SAP130: variants seen among roughly 807,000 people sequenced by gnomAD.
SAP130 encodes histone deacetylase complex subunit SAP130.
A neutral mutation model predicts 103.2 loss-of-function variants in SAP130; 16 were observed. The observed-to-expected ratio is 0.16, with a 90% CI of 0.10 to 0.24. The LOEUF is 0.24. SAP130 is among the 10% of genes least tolerant of loss of function. SAP130 has a pLI of 1.00. For missense variants in SAP130, 990 were observed against 1,359.7 expected, an observed-to-expected ratio of 0.73 and a Z score of 4.28; for synonymous variants, 477 against 497.0, an observed-to-expected ratio of 0.96 and a Z score of 0.53.
intron 11 of SAP130, among the ~76,000 whole-genome samples, chr2:127,995,208 C>G (rs1683087823): frequency 6.6e-6 from 1 of 152,206 alleles, no homozygotes; most frequent in Admixed American, 6.5e-5. Context: ...CAACCCATAG[C>G]AACAAGCAGG....
At chr2:127,965,719 G>A (rs966537759) in intron 15 of SAP130, among the ~76,000 whole-genome samples, 1 of 151,774 alleles carries the variant, frequency 6.6e-6, no homozygotes, top group Non-Finnish European at 1.5e-5. Flanking sequence ...GAACCAGGGA[G>A]GTGAAGATTA....
intron 15 of SAP130, among the ~76,000 whole-genome samples, chr2:127,973,496 C>T (rs904335234): frequency 3.3e-5 from 5 of 152,188 alleles, no homozygotes; most frequent in South Asian, 2.1e-4. Flanking sequence ...TCCCAAAGTC[C>T]GAGGGAGTGC....
intron 7 of SAP130, among the ~76,000 whole-genome samples, chr2:128,008,246 G>C (rs907673429): frequency 1.3e-5 from 2 of 152,126 alleles, no homozygotes; most frequent in Non-Finnish European, 2.9e-5. Flanking sequence ...CCTGTAATGT[G>C]ACTTGGAGAT....
intron 2 of SAP130, among the ~76,000 whole-genome samples, chr2:128,019,148 G>A (rs1246330586): frequency 1.3e-5 from 2 of 151,902 alleles, no homozygotes; most frequent in Non-Finnish European, 2.9e-5. Flanking sequence ...CTAACTTTAA[G>A]AACATATAAT....
chr2:127,996,365 G>C lies in SAP130; in HGVS notation c.1340C>G (p.Thr447Ser). The change falls in exon 11 of 21, where the codon ACC becomes AGC. Residue 447 changes from threonine to serine, a missense_variant. This residue lies in a region of SAP130 where 336 missense variants were observed against 520.1 expected (regional missense o/e 0.65). Coordinates refer to ENST00000643581, the MANE Select transcript of SAP130 (RefSeq NM_001330301.2). This position sits in a 1 kb window ranked among gnomAD's most constrained non-coding sequence, Gnocchi z 4.3. Reference sequence around the variant, plus strand: ...AGCCTCCTACCTGTTGTCACTTCGGGTTTCCATGGCCACAGGATTGGGAGA... The same window carrying C: ...AGCCTCCTACCTGTTGTCACTTCGGCTTTCCATGGCCACAGGATTGGGAGA... Reference protein sequence around the residue: ...RASPNPVAMETRSDNRPSVPV... With the variant: ...RASPNPVAMESRSDNRPSVPV... 2 of 1,603,886 alleles carry C rather than the reference G, an allele frequency of 1.2e-6. No homozygotes were observed. The highest frequency in any genetic ancestry group is 1.3e-5 in the African/African-American group (1 of 74,510).
At position 127,959,355 on chromosome 2, in the gene SAP130, A is replaced by G. The variant is rs372075545; in HGVS notation, c.2064-4011T>C. ...GCTTGGCATGACGAAAATCCTGTAG[A>G]CAATAATTGCTATACTCCAGTGAAA... On this transcript the variant is annotated intron_variant, in intron 15 of 20. Coordinates refer to ENST00000643581, the MANE Select transcript of SAP130 (RefSeq NM_001330301.2). 3.3e-4 allele frequency among the ~76,000 whole-genome samples: 51 copies of G among 152,352 alleles called. 1 individual carries two copies. The South Asian group carries it at 6.4e-3, about 19-fold the overall frequency.
At position 127,942,388 on chromosome 2, in the gene SAP130, A is replaced by AAT; in HGVS notation, c.3015+35_3015+36insAT. The AAT allele has an allele frequency of 1.4e-6, 2 of 1,440,156 alleles. No homozygotes were observed. The highest frequency in any genetic ancestry group is 2.0e-6 in the Non-Finnish European group (2 of 1,022,466). 89.2% of individuals were successfully genotyped at this position (1,440,156 alleles called of 1,614,324 possible). ...GGGCTTTACAGAAAGCAACTTCATA[A>AAT]AGTAGATGATCAGAAGGGAAGGGGC... is the stretch of plus-strand genomic sequence containing the variant. On this transcript the variant is annotated intron_variant, in intron 20 of 20. Coordinates refer to ENST00000643581, the MANE Select transcript of SAP130 (RefSeq NM_001330301.2). The surrounding 1 kb of genome is among the most constrained non-coding windows in gnomAD (Gnocchi z 4.8).
Position 128,013,042 on chromosome 2 carries a change from G to A in SAP130, c.732C>T (p.His244=). 1.9e-6 allele frequency: 3 copies of A among 1,610,224 alleles called. No homozygotes were observed. In the South Asian group the frequency reaches 3.3e-5, roughly 18 times the overall value. The change falls in exon 6 of 21, where the codon CAC becomes CAT. Residue 244 remains histidine, a synonymous_variant. Coordinates refer to ENST00000643581, the MANE Select transcript of SAP130 (RefSeq NM_001330301.2). ...TAQPAVQHII[H]QPIQSRPPVT... ...GGCTCCGACGTGCCTGGATTGGTTG[G>A]TGAATGATGTGCTGTACTGCTGGCT...
At chr2:128,005,508 G>A (rs543923547) in intron 7 of SAP130, among the ~76,000 whole-genome samples, 76 of 151,890 alleles carry the variant, frequency 5.0e-4, no homozygotes, top group African/African-American at 1.8e-3. Context: ...CCAGCTACTC[G>A]GAAGACTGAG....
chr2:127,970,770 A>C (rs1681028431), intron 15 of SAP130, among the ~76,000 whole-genome samples: 1 of 152,008 alleles, frequency 6.6e-6, no homozygotes, highest in Non-Finnish European at 1.5e-5. Flanking sequence ...GTAGGGCTTC[A>C]TCTTGACTAA....
At chr2:127,987,208 A>C (rs540121759) in intron 13 of SAP130, among the ~76,000 whole-genome samples, 166 of 152,122 alleles carry the variant, frequency 1.1e-3, no homozygotes, top group Non-Finnish European at 2.0e-3. Flanking sequence ...TGTTTGAAAG[A>C]GAGTCTTGCT....
intron 5 of SAP130, among the ~76,000 whole-genome samples, 164 bp downstream of exon 5, chr2:128,014,636 CTTT>C (rs1185866700): frequency 6.6e-6 from 1 of 152,126 alleles, no homozygotes; most frequent in African/African-American, 2.4e-5. Context: ...AGCACCTGGC[CTTT>C]TTTTCTTTTT....
intron 1 of SAP130, among the ~76,000 whole-genome samples, chr2:128,026,558 AT>A (rs1263016720): frequency 6.6e-6 from 1 of 152,244 alleles, no homozygotes; most frequent in Non-Finnish European, 1.5e-5. Flanking sequence ...TGCTAAAAAA[AT>A]CACCATTGAA....
intron 13 of SAP130, among the ~76,000 whole-genome samples, chr2:127,988,428 T>TA (rs1682551426): frequency 5.4e-5 from 6 of 111,786 alleles, no homozygotes; most frequent in African/African-American, 1.2e-4. Flanking sequence ...CCTTGTCTTT[T>TA]TAAAAAAAAA....
Position 128,004,361 on chromosome 2 carries a change from CTTTTTTTTTT to C in SAP130, c.870-3917_870-3908del, listed in dbSNP as rs71935874. 5.4e-3 allele frequency among the ~76,000 whole-genome samples: 410 copies of C among 76,032 alleles called. 2 individuals are homozygous for C. Among genetic ancestry groups the C allele is most frequent in the African/African-American group, 0.017 (381 of 22,600 alleles). The allele number at this position is 76,032 out of a possible 152,430, so 49.9% of individuals were successfully genotyped here. On this transcript the variant is annotated intron_variant, in intron 7 of 20. Transcript: ENST00000643581. Reference sequence around the variant, plus strand: ...AGTGAAAGGAGGATTGCTTTCTTTCCTTTTTTTTTTTTTTTTTTTTTTTTTTTAAAGCGAT... The same window carrying C: ...AGTGAAAGGAGGATTGCTTTCTTTCCTTTTTTTTTTTTTTTTTAAAGCGAT...
At chr2:128,010,006 T>G (rs1426518062) in intron 7 of SAP130, among the ~76,000 whole-genome samples, 1 of 152,146 alleles carries the variant, frequency 6.6e-6, no homozygotes, top group Non-Finnish European at 1.5e-5. Flanking sequence ...CCAATCCCTT[T>G]TACCCTTATT....
chr2:128,016,411 A>G lies in SAP130; in HGVS notation c.485T>C (p.Val162Ala). The G allele has an allele frequency of 6.2e-7, 1 of 1,613,322 alleles. No individual in the cohort carries two copies. Among genetic ancestry groups the G allele is most frequent in the Non-Finnish European group, 8.5e-7 (1 of 1,179,704 alleles). Residue 162 changes from valine to alanine, a missense_variant, in exon 4 of 21, where the codon GTG (valine) becomes GCG (alanine). Physicochemically the swap from Val to Ala is moderately conservative, Grantham distance 64. This residue lies in a region of SAP130 where 336 missense variants were observed against 520.1 expected (regional missense o/e 0.65). Coordinates refer to ENST00000643581, the MANE Select transcript of SAP130 (RefSeq NM_001330301.2). ...SSIPQASAIP[V>A]ATISGQQGHP... The stretch of plus-strand genomic sequence containing the variant: ...AACCTGTTGTCCACTGATTGTTGCC[A>G]CAGGAATGGCTGAAGCTTGAGGGAT...
chr2:127,948,368 C>T (rs1430980395), intron 18 of SAP130, among the ~76,000 whole-genome samples: 4 of 123,830 alleles, frequency 3.2e-5, no homozygotes, highest in Admixed American at 3.0e-4. Flanking sequence ...GAGTCTTGCT[C>T]GGTCACCCAG....
intron 2 of SAP130, among the ~76,000 whole-genome samples, chr2:128,024,226 C>T (rs191816522): frequency 6.6e-6 from 1 of 152,170 alleles, no homozygotes; most frequent in East Asian, 1.9e-4. Context: ...CACCTGTAAT[C>T]CCAGAATTTT....
Sources: gnomAD v4.1 joint callset for allele counts (sites outside exome capture counted in the v4.1 genomes callset) on GRCh38, gnomAD v4.1.1 for gene constraint, gnomAD v4.1.1 regional missense constraint, Gnocchi (gnomAD v3.1) non-coding constraint, MANE v1.5 for transcripts, NCBI Gene and HGNC (gene_info 2026-07-23, HGNC 2026-07-21) for gene names.